The following PRRC2C variants were observed in gnomAD, a reference collection of about 807,000 sequenced individuals.
PRRC2C encodes protein PRRC2C.
Under a neutral mutation model 317.2 loss-of-function variants are expected in PRRC2C, and 72 were observed. The ratio of observed to expected loss-of-function variants is 0.23; its 90% confidence interval spans 0.19 to 0.28. PRRC2C has a LOEUF of 0.28. Ranked by LOEUF, PRRC2C falls within the 10% of genes least tolerant of loss-of-function variation. The pLI, the probability that PRRC2C is intolerant of heterozygous loss-of-function variation, is 1.00. For missense variants in PRRC2C, 3,074 were observed against 3,459.7 expected, an observed-to-expected ratio of 0.89 and a Z score of 2.80; for synonymous variants, 1,296 against 1,205.9, an observed-to-expected ratio of 1.07 and a Z score of -1.55.
intron 1 of PRRC2C, among the ~76,000 whole-genome samples, chr1:171,498,348 C>T (rs564135076): frequency 2.2e-3 from 338 of 152,204 alleles, no homozygotes; most frequent in Non-Finnish European, 3.5e-3. Flanking sequence ...GCAGGATCTC[C>T]GCCTCCAAGA....
intron 1 of PRRC2C, among the ~76,000 whole-genome samples, chr1:171,487,343 C>T (rs1326777857): frequency 6.6e-6 from 1 of 152,184 alleles, no homozygotes; most frequent in Non-Finnish European, 1.5e-5. Context: ...AAAGGGGATG[C>T]TCTAAACCTT....
chr1:171,521,770 G>A (rs1045042198), intron 6 of PRRC2C, among the ~76,000 whole-genome samples: 24 of 152,082 alleles, frequency 1.6e-4, no homozygotes, highest in African/African-American at 5.8e-4. Context: ...GTTTGCTAGG[G>A]TGCATGTGTG....
rs907705230 is a variant in PRRC2C at position 171,532,690 on chromosome 1, A to G, written c.1602A>G (p.Glu534=). Residue 534 remains glutamate, a synonymous_variant, in exon 12 of 35, where the codon GAA becomes GAG. Transcript: ENST00000647382. Reference sequence around the variant, plus strand: ...AACAGGAGCGAGAGAAGGAGAGGGAAAAAGACAGAGAGAGACAGCAGGAAA... The same window carrying G: ...AACAGGAGCGAGAGAAGGAGAGGGAGAAAGACAGAGAGAGACAGCAGGAAA... ...EQEQEREKER[E]KDRERQQEKE... 14 of 1,551,624 alleles carry G rather than the reference A, an allele frequency of 9.0e-6. No homozygotes were observed. The highest frequency in any genetic ancestry group is 1.2e-5 in the Non-Finnish European group (14 of 1,147,022).
chr1:171,590,823 T>C (rs1385072598), intron 34 of PRRC2C, among the ~76,000 whole-genome samples: 1 of 152,204 alleles, frequency 6.6e-6, no homozygotes, highest in Non-Finnish European at 1.5e-5. Context: ...TTTTCGCATA[T>C]TCCCATGTTG....
intron 31 of PRRC2C, 119 bp from the exon 32 acceptor site, chr1:171,587,529 T>A: frequency 1.4e-6 from 1 of 695,888 alleles, no homozygotes; most frequent in Non-Finnish European, 2.4e-6. Flanking sequence ...ACTATAGGAG[T>A]TTTGTACTAA....
In PRRC2C at chr1:171,518,254, A is replaced by G. The variant is rs1379686718; in HGVS notation, c.750+440A>G. ...CATACCACAGATTTATTTTGTAAATACAGAGAACAATTACACTAACATTCT... is the reference window on the plus strand; with the variant it reads ...CATACCACAGATTTATTTTGTAAATGCAGAGAACAATTACACTAACATTCT... On this transcript the variant is annotated intron_variant, in intron 6 of 34. Coordinates refer to ENST00000647382, the MANE Select transcript of PRRC2C (RefSeq NM_001387844.1). Among the ~76,000 whole-genome samples the G allele has an allele frequency of 2.0e-5, 3 of 152,256 alleles. No individual in the cohort carries two copies. The East Asian group carries it at 5.8e-4, about 29-fold the overall frequency.
intron 6 of PRRC2C, 69 bp from the exon 7 acceptor site, chr1:171,522,108 A>G: frequency 1.5e-6 from 1 of 674,260 alleles, no homozygotes; most frequent in African/African-American, 1.8e-5. Context: ...TCAGATTTAT[A>G]TATATATATA....
At chr1:171,566,942 G>C (rs190728633) in intron 22 of PRRC2C, 99 bp downstream of exon 22, 2 of 1,289,424 alleles carry the variant, frequency 1.6e-6, no homozygotes, top group African/African-American at 1.5e-5. Context: ...TCCTGCTGAG[G>C]CATATAACTC....
intron 1 of PRRC2C, among the ~76,000 whole-genome samples, chr1:171,507,432 GA>G (rs904177290): frequency 2.9e-4 from 44 of 152,198 alleles, no homozygotes; most frequent in African/African-American, 1.0e-3. Context: ...CCAACATGGT[GA>G]AACCCCTTCT....
At chr1:171,539,298 C>A (rs894538289) in intron 15 of PRRC2C, among the ~76,000 whole-genome samples, 1 of 152,196 alleles carries the variant, frequency 6.6e-6, no homozygotes, top group South Asian at 2.1e-4. Flanking sequence ...AGCCACCGCA[C>A]CCGGCCCTAT....
rs235503 is a variant in PRRC2C at position 171,589,377 on chromosome 1, C to T, written c.8208C>T (p.Ser2736=). 0.82 allele frequency: 1,046,482 copies of T among 1,279,050 alleles called. 428,924 individuals carry two copies. The highest frequency in any genetic ancestry group is 0.89 in the East Asian group (15,868 of 17,850). The allele number at this position is 1,279,050 out of a possible 1,614,324, so 79.2% of individuals were successfully genotyped here. Residue 2736 remains serine (S), a synonymous_variant, in exon 34 of 35, where the codon TCC becomes TCT. Coordinates refer to ENST00000647382, the MANE Select transcript of PRRC2C (RefSeq NM_001387844.1). The stretch of plus-strand genomic sequence containing the variant: ...TTGTTTTTTTCACTCAGATTCTCTC[C>T]CAGCCTAACCTGGTCCCTCCATTGG... ...FPTQFAPQIL[S]QPNLVPPLVR... is the part of the protein sequence containing the mutation.
At chr1:171,545,399 C>T (rs1678890486) in intron 16 of PRRC2C, 80 bp from the exon 17 acceptor site, 1 of 1,213,306 alleles carries the variant, frequency 8.2e-7, no homozygotes, top group Non-Finnish European at 1.2e-6. Flanking sequence ...TTAGAATGAA[C>T]TTTAGAAACT....
intron 28 of PRRC2C, among the ~76,000 whole-genome samples, chr1:171,582,479 ACAT>A (rs962339447): frequency 5.9e-5 from 9 of 152,150 alleles, no homozygotes; most frequent in Admixed American, 3.9e-4. Context: ...CCTTTTTCAA[ACAT>A]CATAGAGTGT....
chr1:171,586,063 A>ATTTTTTTTTTTTT lies in PRRC2C; in HGVS notation c.7750-931_7750-919dup, dbSNP rs920423722. Among the ~76,000 whole-genome samples, 65 of 83,028 alleles carry ATTTTTTTTTTTTT rather than the reference A, an allele frequency of 7.8e-4. 6 individuals are homozygous for ATTTTTTTTTTTTT. The highest frequency in any genetic ancestry group is 1.4e-3 in the African/African-American group (29 of 21,202). The allele number at this position is 83,028 out of a possible 152,430, so 54.5% of individuals were successfully genotyped here. ...ATCCGTCGCAGGAGGTCAGGTGTTG[A>ATTTTTTTTTTTTT]TTTTTTTTTTTTTTTTTTTTTGAGA... On this transcript the variant is annotated intron_variant, in intron 30 of 34. Transcript: ENST00000647382.
chr1:171,493,088 G>GAGAAGGAAGAAGAGAA (rs1667481935), intron 1 of PRRC2C, among the ~76,000 whole-genome samples: 2 of 151,526 alleles, frequency 1.3e-5, no homozygotes, highest in Non-Finnish European at 1.5e-5. Context: ...AATAAAAGAA[G>GAGAAGGAAGAAGAGAA]AGAAGGAAGG....
intron 1 of PRRC2C, among the ~76,000 whole-genome samples, chr1:171,509,042 A>C (rs12131694): frequency 2.7e-4 from 41 of 151,936 alleles, no homozygotes; most frequent in African/African-American, 9.9e-4. Context: ...ACCTGCCACC[A>C]TGCCTGGCTA....
At chr1:171,522,974 A>G (rs1226919276) in intron 7 of PRRC2C, among the ~76,000 whole-genome samples, 1 of 151,812 alleles carries the variant, frequency 6.6e-6, no homozygotes, top group African/African-American at 2.4e-5. Flanking sequence ...TCCTTTTAAC[A>G]TATTTGTTTT....
chr1:171,573,123 A>G (rs1381249752), intron 24 of PRRC2C, among the ~76,000 whole-genome samples: 1 of 152,192 alleles, frequency 6.6e-6, no homozygotes, highest in Non-Finnish European at 1.5e-5. Flanking sequence ...TTGATTATAC[A>G]TTGTTGGGCT....
At chr1:171,577,726 A>G in intron 26 of PRRC2C, 89 bp downstream of exon 26, 5 of 1,138,126 alleles carry the variant, frequency 4.4e-6, no homozygotes, top group Non-Finnish European at 6.3e-6. Context: ...CTTTCAGCTA[A>G]GCATAAGGCT....
Sources: gnomAD v4.1 joint callset for allele counts (sites outside exome capture counted in the v4.1 genomes callset) on GRCh38, gnomAD v4.1.1 for gene constraint, MANE v1.5 for transcripts, NCBI Gene and HGNC (gene_info 2026-07-23, HGNC 2026-07-21) for gene names.